The following AFF2 variants were observed in gnomAD, a reference collection of about 807,000 sequenced individuals.
AFF2 encodes the protein ALF transcription elongation factor 2.
Under a neutral mutation model 76.9 loss-of-function variants are expected in AFF2, and 14 were observed. The observed-to-expected ratio is 0.18, with a 90% CI of 0.12 to 0.28. The LOEUF is 0.28. AFF2 is among the 10% of genes least tolerant of loss of function. AFF2 has a pLI of 1.00. For synonymous variants in AFF2, 398 were observed against 366.7 expected (o/e 1.09, Z -0.98); for missense variants, 868 against 1,001.1 (o/e 0.87, Z 1.79).
intron 3 of AFF2, among the ~76,000 whole-genome samples, chrX:148,784,836 T>G (rs1557269367): frequency 9.0e-6 from 1 of 111,358 alleles, no homozygotes; most frequent in Non-Finnish European, 1.9e-5. Flanking sequence ...GCACCGTGAC[T>G]AATTACACAT....
intron 3 of AFF2, among the ~76,000 whole-genome samples, chrX:148,666,489 G>A (rs781938942): frequency 9.1e-6 from 1 of 110,249 alleles, no homozygotes; most frequent in African/African-American, 3.3e-5. Context: ...GGAGGCTGAG[G>A]CAGGAGAATA....
chrX:148,529,285 C>T (rs1417503596), intron 1 of AFF2, among the ~76,000 whole-genome samples: 1 of 111,575 alleles, frequency 9.0e-6, no homozygotes, highest in Non-Finnish European at 1.9e-5. Context: ...ACCCCATGAC[C>T]CTTCCCATTC....
At chrX:148,594,014 T>C (rs181781174) in intron 1 of AFF2, among the ~76,000 whole-genome samples, 2 of 111,581 alleles carry the variant, frequency 1.8e-5, no homozygotes, top group Non-Finnish European at 3.8e-5. Context: ...TAATATATGT[T>C]TAAATACTCT....
Position 148,842,920 on chromosome X carries a change from T to C in AFF2, c.1174-46T>C, listed in dbSNP as rs782273141. 7 of 1,062,156 alleles carry C rather than the reference T, an allele frequency of 6.6e-6. No individual in the cohort carries two copies. In the South Asian group the frequency reaches 1.5e-4, roughly 22 times the overall value. 87.5% of individuals were successfully genotyped at this position (1,062,156 alleles called of 1,213,427 possible). ...TAATTAATATACCTCTTACTCTCCT[T>C]GTGTCATTTAACTAATGTTTGTGTC... On this transcript the variant is annotated intron_variant, in intron 5 of 20. Coordinates refer to ENST00000370460, the MANE Select transcript of AFF2 (RefSeq NM_002025.4).
Position 148,809,924 on chromosome X carries a change from A to C in AFF2, c.1086+4A>C, listed in dbSNP as rs1557271679. On this transcript the variant is annotated splice_donor_region_variant and intron_variant, in intron 4 of 20. Transcript: ENST00000370460. ...CTGTGTTGAAGAAATCTTGCGGGTG[A>C]GTTTAAACCTTTATTTTTGTGCCTT... 8.3e-7 allele frequency: 1 copy of C among 1,208,177 alleles called. No homozygotes were observed. Among genetic ancestry groups the C allele is most frequent in the Non-Finnish European group, 1.1e-6 (1 of 892,792 alleles).
chrX:148,511,593 G>A (rs1421294031), intron 1 of AFF2, among the ~76,000 whole-genome samples: 1 of 111,946 alleles, frequency 8.9e-6, no homozygotes, highest in Non-Finnish European at 1.9e-5. Flanking sequence ...AAGAGGATTA[G>A]CATTTACAGA....
At chrX:148,512,372 C>T (rs782138721) in intron 1 of AFF2, among the ~76,000 whole-genome samples, 6 of 111,737 alleles carry the variant, frequency 5.4e-5, no homozygotes, top group Non-Finnish European at 1.1e-4. Context: ...TACTTAGAAA[C>T]TACAGTGAAA....
intron 3 of AFF2, among the ~76,000 whole-genome samples, chrX:148,684,770 T>C (rs1478902097): frequency 8.9e-5 from 10 of 112,459 alleles, no homozygotes; most frequent in Admixed American, 7.5e-4. Context: ...TGTAATTATT[T>C]GGTGAAATAG....
chrX:148,904,062 T>G (rs2071383630), intron 8 of AFF2, among the ~76,000 whole-genome samples, 159 bp from the exon 9 acceptor site: 1 of 111,767 alleles, frequency 8.9e-6, no homozygotes. Context: ...GAGAAGAAAA[T>G]TGCTTTCTGA....
At position 148,667,488 on chromosome X, in the gene AFF2, A is replaced by T. The variant is rs953159652; in HGVS notation, c.1041+4720A>T. On this transcript the variant is annotated intron_variant, in intron 3 of 20. Coordinates refer to ENST00000370460, the MANE Select transcript of AFF2 (RefSeq NM_002025.4). ...TCACTTGATGTATTAGTCTGTTTTC[A>T]TGCTGCTGATAAAGACGTACCTGAG... 5.3e-5 allele frequency among the ~76,000 whole-genome samples: 6 copies of T among 112,212 alleles called. No homozygotes were observed. The East Asian group carries it at 1.7e-3, about 32-fold the overall frequency.
At position 148,880,419 on chromosome X, in the gene AFF2, AT is replaced by A. The variant is rs782342670; in HGVS notation, c.1263-5467del. On this transcript the variant is annotated intron_variant, in intron 7 of 20. Coordinates refer to ENST00000370460, the MANE Select transcript of AFF2 (RefSeq NM_002025.4). ...AGTAATTCTAAACCAGTCATGTTTT[AT>A]TTCTTTTAGGTTACTTTATGAAGAG... 2.4e-4 allele frequency among the ~76,000 whole-genome samples: 27 copies of A among 111,555 alleles called. No individual in the cohort carries two copies. The Admixed American group carries it at 2.5e-3, about 10-fold the overall frequency.
At chrX:148,907,660 A>G (rs922898172) in intron 9 of AFF2, among the ~76,000 whole-genome samples, 2 of 111,668 alleles carry the variant, frequency 1.8e-5, no homozygotes, top group Non-Finnish European at 3.8e-5. Flanking sequence ...TTCACAAGGT[A>G]ATAGAATATC....
chrX:148,520,793 TA>T (rs1190887426), intron 1 of AFF2, among the ~76,000 whole-genome samples: 152 of 112,123 alleles, frequency 1.4e-3, no homozygotes, highest in Middle Eastern at 4.6e-3. Context: ...TTCCTTTTTC[TA>T]AAAAAAATAT....
intron 1 of AFF2, among the ~76,000 whole-genome samples, chrX:148,541,027 T>A (rs1303644900): frequency 2.7e-5 from 3 of 112,381 alleles, no homozygotes; most frequent in African/African-American, 9.7e-5. Context: ...AACAACTCAG[T>A]CATTCAAACA....
intron 1 of AFF2, among the ~76,000 whole-genome samples, chrX:148,618,085 TTAG>T (rs1313061497): frequency 8.9e-6 from 1 of 111,773 alleles, no homozygotes; most frequent in African/African-American, 3.3e-5. Flanking sequence ...GTTTATATTA[TTAG>T]AAGATGAAAG....
intron 3 of AFF2, among the ~76,000 whole-genome samples, chrX:148,700,832 T>C (rs1557261769): frequency 9.0e-6 from 1 of 111,423 alleles, no homozygotes; most frequent in Admixed American, 9.6e-5. Context: ...CAAGCAAATG[T>C]CCTGTCAAAA....
chrX:148,898,297 T>G (rs1368513800), intron 8 of AFF2, among the ~76,000 whole-genome samples: 2 of 111,985 alleles, frequency 1.8e-5, no homozygotes, highest in Admixed American at 1.9e-4. Context: ...GTGAGTGAAA[T>G]TGATATTTAC....
At chrX:148,915,839 G>C (rs781969057) in intron 9 of AFF2, among the ~76,000 whole-genome samples, 1 of 112,419 alleles carries the variant, frequency 8.9e-6, no homozygotes, top group East Asian at 2.8e-4. Context: ...CATACACATT[G>C]TACACTCACA....
intron 1 of AFF2, among the ~76,000 whole-genome samples, chrX:148,554,807 G>A (rs781885234): frequency 1.0e-3 from 114 of 112,100 alleles, no homozygotes; most frequent in African/African-American, 3.5e-3. Flanking sequence ...CCAGAACCGG[G>A]TCTGGCACAG....
Sources: allele counts gnomAD v4.1 joint callset (sites outside exome capture counted in the v4.1 genomes callset), GRCh38; gene constraint gnomAD v4.1.1; transcripts MANE v1.5; gene names NCBI Gene and HGNC (gene_info 2026-07-23, HGNC 2026-07-21).